Variants in SPATS2L observed in about 807,000 individuals in gnomAD.
SPATS2L encodes the protein SPATS2-like protein.
Under a neutral mutation model 59.6 loss-of-function variants are expected in SPATS2L, and 30 were observed. The observed-to-expected ratio is 0.50, with a 90% CI of 0.38 to 0.68. SPATS2L has a LOEUF of 0.68. SPATS2L is among the 30% of genes least tolerant of loss of function. The pLI is 0.00. For missense variants in SPATS2L, 615 were observed against 700.0 expected, an observed-to-expected ratio of 0.88 and a Z score of 1.37; for synonymous variants, 252 against 263.5, an observed-to-expected ratio of 0.96 and a Z score of 0.42.
At position 200,469,816 on chromosome 2, in the gene SPATS2L, T is replaced by C. The variant is rs1294389361; in HGVS notation, c.958-98T>C. 5.7e-6 allele frequency: 5 copies of C among 883,454 alleles called. No individual in the cohort carries two copies. The East Asian group carries it at 1.3e-4, about 23-fold the overall frequency. The allele number at this position is 883,454 out of a possible 1,614,324, so 54.7% of individuals were successfully genotyped here. A position where few individuals can be genotyped will look rare whatever the true frequency, so the allele number is the denominator to read the frequency against. ...GGAAAGATCCCCACCAGGTCAGCAC[T>C]GCAGTGGACACCGGAAGAGCAGAGT... On this transcript the variant is annotated intron_variant, in intron 10 of 12. Transcript: ENST00000409140.
chr2:200,443,619 A>G (rs780441100), intron 8 of SPATS2L, among the ~76,000 whole-genome samples: 15 of 152,156 alleles, frequency 9.9e-5, no homozygotes, highest in Non-Finnish European at 1.9e-4. Context: ...CCTAACCACA[A>G]AGTACTCAAC....
chr2:200,333,640 T>C (rs1168440958), intron 2 of SPATS2L, among the ~76,000 whole-genome samples: 1 of 152,132 alleles, frequency 6.6e-6, no homozygotes, highest in African/African-American at 2.4e-5. Context: ...CTCCTAATGC[T>C]ATCCCTCCCC....
At chr2:200,354,234 A>T (rs1412419645) in intron 2 of SPATS2L, among the ~76,000 whole-genome samples, 1 of 152,222 alleles carries the variant, frequency 6.6e-6, no homozygotes, top group African/African-American at 2.4e-5. Context: ...TCGCTCTCAT[A>T]CAATGAGATG....
chr2:200,403,977 A>G (rs1425741650), intron 3 of SPATS2L, among the ~76,000 whole-genome samples: 3 of 152,180 alleles, frequency 2.0e-5, no homozygotes, highest in Admixed American at 6.5e-5. Context: ...AATTTTTATT[A>G]TGTCTTCACT....
rs146890357 is a variant in SPATS2L at position 200,332,485 on chromosome 2, G to A, written c.-23+3005G>A. ...TGGTCTCAAACTGCTGGGCTTAAGCGATCCTCCCACCTTGGTCTCCCACAG... is the reference window on the plus strand; with the variant it reads ...TGGTCTCAAACTGCTGGGCTTAAGCAATCCTCCCACCTTGGTCTCCCACAG... On this transcript the variant is annotated intron_variant, in intron 2 of 12. Coordinates refer to ENST00000409140, the MANE Select transcript of SPATS2L (RefSeq NM_001100423.2). Among the ~76,000 whole-genome samples the A allele has an allele frequency of 5.3e-4, 80 of 152,174 alleles. 1 individual carries two copies. In the East Asian group the frequency reaches 0.014, roughly 27 times the overall value.
intron 2 of SPATS2L, among the ~76,000 whole-genome samples, chr2:200,360,852 G>A (rs779989452): frequency 2.0e-5 from 3 of 152,108 alleles, no homozygotes; most frequent in Non-Finnish European, 2.9e-5. Context: ...TGTGCTTGAA[G>A]ATGGATCTGT....
chr2:200,433,545 A>G (rs1336150505), intron 6 of SPATS2L, among the ~76,000 whole-genome samples: 1 of 152,118 alleles, frequency 6.6e-6, no homozygotes. Context: ...CTTCTAAACA[A>G]TCCATTAGCC....
intron 6 of SPATS2L, among the ~76,000 whole-genome samples, chr2:200,427,440 T>C (rs2083643248): frequency 6.7e-6 from 1 of 150,016 alleles, no homozygotes; most frequent in Non-Finnish European, 1.5e-5. Flanking sequence ...GTTATACATA[T>C]ACATATATAT....
At chr2:200,373,738 T>C (rs2081508811) in intron 2 of SPATS2L, among the ~76,000 whole-genome samples, 1 of 152,228 alleles carries the variant, frequency 6.6e-6, no homozygotes, top group Non-Finnish European at 1.5e-5. Context: ...TTTTATTTTT[T>C]TGGAGTCCTT....
At chr2:200,469,659 T>A (rs1181474121) in intron 10 of SPATS2L, 2 of 420,034 alleles carry the variant, frequency 4.8e-6, no homozygotes, top group African/African-American at 4.0e-5. Flanking sequence ...AATAGATGAG[T>A]CAGACACACA....
chr2:200,380,167 C>T (rs1250761074), intron 2 of SPATS2L, among the ~76,000 whole-genome samples: 1 of 152,226 alleles, frequency 6.6e-6, no homozygotes, highest in Non-Finnish European at 1.5e-5. Context: ...TGCACTGCCT[C>T]AGATCCGCTG....
chr2:200,459,730 G>A, intron 8 of SPATS2L, 39 bp from the exon 9 acceptor site: 2 of 1,495,428 alleles, frequency 1.3e-6, no homozygotes, highest in Non-Finnish European at 9.2e-7. Flanking sequence ...CTTTGATTAA[G>A]CATTCTTTGC....
intron 12 of SPATS2L, 80 bp downstream of exon 12, chr2:200,473,132 G>C (rs1168928901): frequency 1.5e-6 from 2 of 1,352,836 alleles, no homozygotes; most frequent in Non-Finnish European, 2.0e-6. Context: ...GCAACTACTA[G>C]ATTCTGGGCC....
chr2:200,434,940 A>G (rs911821895), intron 6 of SPATS2L, among the ~76,000 whole-genome samples: 1 of 152,128 alleles, frequency 6.6e-6, no homozygotes, highest in Non-Finnish European at 1.5e-5. Context: ...GGACAGTGTA[A>G]TGGTGGTGTG....
In SPATS2L at chr2:200,471,316, C is replaced by T. The variant is rs73988507; in HGVS notation, c.1060+1300C>T. ...AAAGAATCTACCTATTTGCCATTCT[C>T]TATCCCCAGCTTTTGCCCCACCTCT... On this transcript the variant is annotated intron_variant, in intron 11 of 12. Transcript: ENST00000409140. 2.9e-3 allele frequency among the ~76,000 whole-genome samples: 443 copies of T among 152,286 alleles called. 2 individuals are homozygous for T. Among genetic ancestry groups the T allele is most frequent in the African/African-American group, 9.6e-3 (400 of 41,558 alleles).
intron 2 of SPATS2L, among the ~76,000 whole-genome samples, chr2:200,341,090 G>A (rs2080309872): frequency 6.6e-6 from 1 of 152,164 alleles, no homozygotes. Context: ...CTGGCAGACC[G>A]ACTTCTTAAT....
chr2:200,337,081 C>T (rs1414002461), intron 2 of SPATS2L, among the ~76,000 whole-genome samples: 1 of 152,118 alleles, frequency 6.6e-6, no homozygotes, highest in African/African-American at 2.4e-5. Context: ...TTAACTAACT[C>T]TCAATACATT....
rs183867167 is a variant in SPATS2L, at chr2:200,413,279, G to A, written c.148+860G>A. ...GATTTTTAGATTGCCAAATTAATCA[G>A]AATATCAGTTTATCTTATCTATCTC... On this transcript the variant is annotated intron_variant, in intron 4 of 12. Transcript: ENST00000409140. 2.1e-5 allele frequency among the ~76,000 whole-genome samples: 3 copies of A among 146,082 alleles called. No homozygotes were observed. In the East Asian group the frequency reaches 5.9e-4, roughly 29 times the overall value.
At chr2:200,336,617 A>G (rs891700881) in intron 2 of SPATS2L, among the ~76,000 whole-genome samples, 1 of 152,206 alleles carries the variant, frequency 6.6e-6, no homozygotes, top group Non-Finnish European at 1.5e-5. Context: ...TTTCTAAAAC[A>G]GATGTGTACT....
Sources: allele counts gnomAD v4.1 joint callset (sites outside exome capture counted in the v4.1 genomes callset), GRCh38; gene constraint gnomAD v4.1.1; transcripts MANE v1.5; gene names NCBI Gene and HGNC (gene_info 2026-07-23, HGNC 2026-07-21).